Variants in PRKG1 observed in about 807,000 individuals in gnomAD.
PRKG1 encodes the protein cGMP-dependent protein kinase 1.
Under a neutral mutation model 88.1 loss-of-function variants are expected in PRKG1, and 35 were observed. The observed-to-expected ratio is 0.40, with a 90% CI of 0.30 to 0.53. The LOEUF (loss-of-function observed/expected upper bound fraction) is 0.53, where lower values mean the gene tolerates loss of function less well. Ranked by LOEUF, PRKG1 falls within the 20% of genes least tolerant of loss-of-function variation. The pLI is 0.59. For synonymous variants in PRKG1, 303 were observed against 292.5 expected (o/e 1.04, Z -0.37); for missense variants, 540 against 839.8 (o/e 0.64, Z 4.41).
At chr10:51,423,377 A>G (rs1157863371) in intron 2 of PRKG1, among the ~76,000 whole-genome samples, 1 of 152,228 alleles carries the variant, frequency 6.6e-6, no homozygotes. Flanking sequence ...ATGTTGAAGA[A>G]GAGATATTTG....
chr10:51,871,488 C>T (rs1457795093), intron 4 of PRKG1, among the ~76,000 whole-genome samples: 1 of 152,208 alleles, frequency 6.6e-6, no homozygotes, highest in Admixed American at 6.5e-5. Flanking sequence ...AGAGCCTGGG[C>T]ATGGGCATGC....
intron 2 of PRKG1, among the ~76,000 whole-genome samples, chr10:51,462,743 A>C (rs1839778477): frequency 6.6e-6 from 1 of 152,190 alleles, no homozygotes; most frequent in African/African-American, 2.4e-5. Context: ...TAAAACTATA[A>C]ATAACCCTTT....
At chr10:51,116,239 A>G (rs956762986) in intron 1 of PRKG1, among the ~76,000 whole-genome samples, 1 of 152,232 alleles carries the variant, frequency 6.6e-6, no homozygotes, top group Admixed American at 6.5e-5. Context: ...GGCGGAACAT[A>G]TAAGCACTCT....
At chr10:51,596,430 GA>G (rs1489000659) in intron 3 of PRKG1, among the ~76,000 whole-genome samples, 1 of 152,130 alleles carries the variant, frequency 6.6e-6, no homozygotes, top group Non-Finnish European at 1.5e-5. Context: ...AGAGTAACCT[GA>G]AATGGAAGAA....
At chr10:51,444,386 A>C (rs952820686) in intron 2 of PRKG1, among the ~76,000 whole-genome samples, 1 of 151,998 alleles carries the variant, frequency 6.6e-6, no homozygotes, top group East Asian at 1.9e-4. Context: ...AACTTGAAGA[A>C]AAAACTGAAA....
At chr10:51,565,546 A>G (rs530324412) in intron 3 of PRKG1, among the ~76,000 whole-genome samples, 1 of 152,250 alleles carries the variant, frequency 6.6e-6, no homozygotes, top group African/African-American at 2.4e-5. Flanking sequence ...AGAAGCCTGA[A>G]GGTGAATTAT....
At chr10:52,152,031 A>T (rs1486695605) in intron 8 of PRKG1, among the ~76,000 whole-genome samples, 2 of 152,132 alleles carry the variant, frequency 1.3e-5, no homozygotes, top group Admixed American at 1.3e-4. Flanking sequence ...CTGTATTAGG[A>T]TGCTAGGCAT....
chr10:51,885,762 T>A (rs954579741), intron 4 of PRKG1, among the ~76,000 whole-genome samples: 1 of 152,198 alleles, frequency 6.6e-6, no homozygotes, highest in Non-Finnish European at 1.5e-5. Flanking sequence ...TTGCCTTAGA[T>A]GTTTCCTATT....
At chr10:51,346,615 A>C (rs567006319) in intron 2 of PRKG1, among the ~76,000 whole-genome samples, 13 of 152,232 alleles carry the variant, frequency 8.5e-5, no homozygotes, top group Non-Finnish European at 1.9e-4. Flanking sequence ...TTAAAGGCAG[A>C]GTTACTTGAG....
intron 2 of PRKG1, among the ~76,000 whole-genome samples, chr10:51,279,864 C>T (rs914334956): frequency 3.3e-5 from 5 of 152,126 alleles, no homozygotes; most frequent in African/African-American, 9.7e-5. Flanking sequence ...GAGCATTTAG[C>T]CCATTTACAT....
At chr10:52,260,242 A>G (rs1384296223) in intron 10 of PRKG1, among the ~76,000 whole-genome samples, 1 of 152,142 alleles carries the variant, frequency 6.6e-6, no homozygotes, top group East Asian at 1.9e-4. Flanking sequence ...GCCTTTTTGT[A>G]ACATCAGAAG....
chr10:51,723,306 G>C (rs1842057468), intron 3 of PRKG1, among the ~76,000 whole-genome samples: 1 of 152,136 alleles, frequency 6.6e-6, no homozygotes, highest in South Asian at 2.1e-4. Context: ...AAAAGGACGA[G>C]TTCATGTCTT....
chr10:52,012,478 G>A (rs1441465281), intron 5 of PRKG1, among the ~76,000 whole-genome samples: 5 of 152,008 alleles, frequency 3.3e-5, no homozygotes, highest in Non-Finnish European at 5.9e-5. Flanking sequence ...TCCTGACCTC[G>A]TGATCTACCC....
At chr10:51,534,464 C>A (rs1029942555) in intron 3 of PRKG1, among the ~76,000 whole-genome samples, 1 of 151,806 alleles carries the variant, frequency 6.6e-6, no homozygotes, top group Non-Finnish European at 1.5e-5. Context: ...GTCAGGAGAT[C>A]GAGACCATCC....
intron 16 of PRKG1, among the ~76,000 whole-genome samples, chr10:52,289,359 A>G (rs1236020469): frequency 1.3e-5 from 2 of 152,066 alleles, no homozygotes; most frequent in African/African-American, 2.4e-5. Context: ...GACAAAATAT[A>G]TTTTTCCAAG....
intron 3 of PRKG1, among the ~76,000 whole-genome samples, chr10:51,802,961 C>A (rs1214956350): frequency 1.3e-5 from 2 of 152,160 alleles, no homozygotes. Context: ...CTCCTGAGCT[C>A]ATTTCCAACT....
intron 9 of PRKG1, among the ~76,000 whole-genome samples, chr10:52,193,311 G>A (rs1038334367): frequency 6.6e-6 from 1 of 152,012 alleles, no homozygotes; most frequent in Non-Finnish European, 1.5e-5. Context: ...TTGGGAAGCA[G>A]AGACGGGTGG....
intron 2 of PRKG1, among the ~76,000 whole-genome samples, chr10:51,404,268 T>G (rs568582340): frequency 6.6e-6 from 1 of 152,350 alleles, no homozygotes; most frequent in South Asian, 2.1e-4. Context: ...TTCCTTAACT[T>G]AGTATTTCAA....
At chr10:51,468,320 A>T (rs1200332118) in intron 3 of PRKG1, among the ~76,000 whole-genome samples, 1 of 151,796 alleles carries the variant, frequency 6.6e-6, no homozygotes, top group Non-Finnish European at 1.5e-5. Flanking sequence ...CTAAAACTGC[A>T]TCTGAGTATA....
Sources: allele counts gnomAD v4.1 joint callset (sites outside exome capture counted in the v4.1 genomes callset), GRCh38; gene constraint gnomAD v4.1.1; transcripts MANE v1.5; gene names NCBI Gene and HGNC (gene_info 2026-07-23, HGNC 2026-07-21).